NKAIN2: variants seen among roughly 807,000 people sequenced by gnomAD.
NKAIN2 encodes the protein sodium/potassium transporting ATPase interacting 2.
NKAIN2 carries 14 observed loss-of-function variants against 32.6 expected under a neutral mutation model. The observed-to-expected ratio is 0.43, with a 90% CI of 0.28 to 0.67. The LOEUF is 0.67. Among genes scored for constraint, NKAIN2 ranks in the 30% least tolerant of loss-of-function variants. The probability of loss-of-function intolerance (pLI) is 0.17; values close to 1 mark genes in which losing one functional copy is unlikely to be tolerated. For synonymous variants in NKAIN2, 80 were observed against 87.2 expected, an observed-to-expected ratio of 0.92 and a Z score of 0.46; for missense variants, 198 against 258.3, an observed-to-expected ratio of 0.77 and a Z score of 1.60.
chr6:124,583,223 C>A (rs1425734240), intron 3 of NKAIN2, among the ~76,000 whole-genome samples: 2 of 62,134 alleles, frequency 3.2e-5, no homozygotes. Flanking sequence ...AACCTAAAGA[C>A]TCCACCAAAA....
At chr6:124,238,878 C>T (rs1318641730) in intron 1 of NKAIN2, among the ~76,000 whole-genome samples, 1 of 152,094 alleles carries the variant, frequency 6.6e-6, no homozygotes, top group Non-Finnish European at 1.5e-5. Flanking sequence ...AACAAATTGG[C>T]AAAATAACCA....
chr6:124,254,061 C>T (rs1315371893), intron 1 of NKAIN2, among the ~76,000 whole-genome samples: 1 of 151,658 alleles, frequency 6.6e-6, no homozygotes, highest in Non-Finnish European at 1.5e-5. Context: ...GTGATCCGCC[C>T]GCCTCGGCCT....
intron 3 of NKAIN2, among the ~76,000 whole-genome samples, chr6:124,483,173 C>A (rs1583318371): frequency 6.6e-6 from 1 of 151,986 alleles, no homozygotes; most frequent in Non-Finnish European, 1.5e-5. Flanking sequence ...ACTAACAAAG[C>A]TGAAATTTTA....
chr6:124,670,850 C>A (rs1026921934), intron 4 of NKAIN2, among the ~76,000 whole-genome samples: 1 of 151,914 alleles, frequency 6.6e-6, no homozygotes, highest in Admixed American at 6.6e-5. Flanking sequence ...CTTCATGAAT[C>A]CAAAGAAAAT....
At chr6:123,864,115 G>A (rs1225679776) in intron 1 of NKAIN2, among the ~76,000 whole-genome samples, 1 of 151,928 alleles carries the variant, frequency 6.6e-6, no homozygotes, top group East Asian at 1.9e-4. Flanking sequence ...TTTATTTCCT[G>A]TTGTTGAAAG....
At chr6:124,454,189 G>T (rs1169494314) in intron 3 of NKAIN2, among the ~76,000 whole-genome samples, 1 of 150,288 alleles carries the variant, frequency 6.7e-6, no homozygotes, top group Non-Finnish European at 1.5e-5. Flanking sequence ...GTTGACTTCT[G>T]CCCTTAGTGA....
intron 1 of NKAIN2, among the ~76,000 whole-genome samples, chr6:124,141,581 TC>T (rs1787141920): frequency 6.6e-6 from 1 of 152,050 alleles, no homozygotes; most frequent in African/African-American, 2.4e-5. Context: ...TATTCTATTT[TC>T]TTGCTCATTT....
intron 3 of NKAIN2, among the ~76,000 whole-genome samples, chr6:124,621,772 A>T (rs969315876): frequency 2.0e-5 from 3 of 152,186 alleles, no homozygotes; most frequent in Middle Eastern, 3.4e-3. Flanking sequence ...TCTAAATAAG[A>T]GTTTTCTTAC....
intron 2 of NKAIN2, among the ~76,000 whole-genome samples, chr6:124,310,630 A>G (rs893651675): frequency 6.6e-6 from 1 of 152,174 alleles, no homozygotes; most frequent in East Asian, 1.9e-4. Flanking sequence ...TTACAGGATA[A>G]GTAGATTCAT....
chr6:124,098,014 A>G (rs1340027334), intron 1 of NKAIN2, among the ~76,000 whole-genome samples: 1 of 151,510 alleles, frequency 6.6e-6, no homozygotes, highest in Non-Finnish European at 1.5e-5. Flanking sequence ...GAGGTGATGA[A>G]TGATTTTTTT....
At chr6:123,945,416 GACA>G (rs1260643303) in intron 1 of NKAIN2, among the ~76,000 whole-genome samples, 1 of 152,058 alleles carries the variant, frequency 6.6e-6, no homozygotes, top group Non-Finnish European at 1.5e-5. Context: ...TTCAGATAGA[GACA>G]ACATTAAAAT....
At chr6:124,582,225 ATCATTAGTAGCTCATTAGTAGAC>A (rs1781549673) in intron 3 of NKAIN2, among the ~76,000 whole-genome samples, 2 of 152,286 alleles carry the variant, frequency 1.3e-5, no homozygotes, top group South Asian at 2.1e-4. Flanking sequence ...TCATTAGGAG[ATCATTAGTAGCTCATTAGTAGAC>A]TCATTAGTAG....
chr6:124,325,206 CCAAAGGTT>C (rs978046872), intron 2 of NKAIN2, among the ~76,000 whole-genome samples: 4 of 152,058 alleles, frequency 2.6e-5, no homozygotes, highest in Middle Eastern at 3.4e-3. Context: ...GAGAATTGCA[CCAAAGGTT>C]CAATGTAGAT....
chr6:124,140,271 G>A (rs74510441), intron 1 of NKAIN2, among the ~76,000 whole-genome samples: 4,430 of 152,228 alleles, frequency 0.029, 180 homozygotes, highest in East Asian at 0.12. Flanking sequence ...TGCAAAATAT[G>A]TAATATGTAG....
chr6:124,816,952 C>A (rs1359749802), intron 5 of NKAIN2, among the ~76,000 whole-genome samples: 1 of 152,088 alleles, frequency 6.6e-6, no homozygotes, highest in Non-Finnish European at 1.5e-5. Context: ...TTCCAGTTAC[C>A]ATTGCTGCCA....
intron 3 of NKAIN2, among the ~76,000 whole-genome samples, chr6:124,460,764 C>A (rs1247179039): frequency 1.3e-5 from 2 of 151,594 alleles, no homozygotes; most frequent in Non-Finnish European, 3.0e-5. Context: ...TGTCTTTCTT[C>A]AGCTCTGGAA....
chr6:124,461,410 C>T (rs908560344), intron 3 of NKAIN2, among the ~76,000 whole-genome samples: 2 of 151,676 alleles, frequency 1.3e-5, no homozygotes, highest in South Asian at 4.1e-4. Context: ...CTCCTATACA[C>T]GTTTTACTTT....
chr6:124,754,504 C>T (rs746953840), intron 4 of NKAIN2, among the ~76,000 whole-genome samples: 13 of 151,780 alleles, frequency 8.6e-5, no homozygotes, highest in African/African-American at 7.3e-5. Flanking sequence ...CATGAAAAGA[C>T]GTATATGTGG....
At chr6:124,365,007 A>G (rs1311196993) in intron 3 of NKAIN2, among the ~76,000 whole-genome samples, 2 of 152,068 alleles carry the variant, frequency 1.3e-5, no homozygotes, top group East Asian at 1.9e-4. Flanking sequence ...GTTCAAGACT[A>G]GTAATGTCTA....
Sources: allele counts gnomAD v4.1 joint callset (sites outside exome capture counted in the v4.1 genomes callset), GRCh38; gene constraint gnomAD v4.1.1; transcripts MANE v1.5; gene names NCBI Gene and HGNC (gene_info 2026-07-23, HGNC 2026-07-21).